Variants in P3H2 observed in about 807,000 individuals in gnomAD.
P3H2 encodes prolyl 3-hydroxylase 2, also known as leprecan-like 1.
In P3H2, 80 loss-of-function variants were observed where a neutral mutation model predicts 87.0. That is an observed-to-expected ratio of 0.92 (90% CI 0.77 to 1.11). P3H2 has a LOEUF of 1.11. P3H2 is among the 50% of genes least tolerant of loss of function. The pLI is 0.00. For missense variants in P3H2, 1,001 were observed against 923.9 expected (o/e 1.08, Z -1.08); for synonymous variants, 367 against 359.3 (o/e 1.02, Z -0.24).
At chr3:190,096,305 A>G (rs1727583689) in intron 1 of P3H2, among the ~76,000 whole-genome samples, 1 of 152,202 alleles carries the variant, frequency 6.6e-6, no homozygotes, top group Non-Finnish European at 1.5e-5. Flanking sequence ...TTGATCACAG[A>G]GGCTGATTCC....
chr3:189,981,035 T>A (rs1187144819), intron 8 of P3H2, among the ~76,000 whole-genome samples: 1 of 152,132 alleles, frequency 6.6e-6, no homozygotes, highest in Non-Finnish European at 1.5e-5. Context: ...GCTGGGAGGG[T>A]GGTTTGCCCA....
At chr3:190,115,427 GA>G (rs560968411) in intron 1 of P3H2, among the ~76,000 whole-genome samples, 1,646 of 112,062 alleles carry the variant, frequency 0.015, 15 homozygotes, top group African/African-American at 0.038. Flanking sequence ...AAAAGTGGGA[GA>G]AAAAAAAAAA....
At chr3:189,971,786 G>A in intron 12 of P3H2, 104 bp downstream of exon 12, 10 of 769,674 alleles carry the variant, frequency 1.3e-5, no homozygotes, top group Non-Finnish European at 1.9e-5. Context: ...TTTCTGCCTT[G>A]GAGATATGAA....
rs749183285 is a variant in P3H2 at position 189,986,788 on chromosome 3, C to T, written c.1188G>A (p.Pro396=). The T allele has an allele frequency of 1.3e-5, 20 of 1,587,632 alleles. No individual in the cohort carries two copies. The highest frequency in any genetic ancestry group is 4.0e-5 in the African/African-American group (3 of 74,396). ...AEGLGFSYTE[P]NYWIRYGGRQ... ...ATAAACGTTTCCTCTTTCCTCTTACCGGTTCAGTGTATGAAAACCCCAGAC... is the reference window on the plus strand; with the variant it reads ...ATAAACGTTTCCTCTTTCCTCTTACTGGTTCAGTGTATGAAAACCCCAGAC... The change falls in exon 6 of 15, where the codon CCG becomes CCA. Residue 396 remains proline, a splice_region_variant and synonymous_variant. Transcript: ENST00000319332.
intron 1 of P3H2, among the ~76,000 whole-genome samples, chr3:190,009,714 CT>C (rs1319917171): frequency 2.0e-5 from 3 of 152,194 alleles, no homozygotes; most frequent in Non-Finnish European, 4.4e-5. Context: ...CATCTCTACT[CT>C]TTCTACCCAG....
At chr3:190,001,806 C>T (rs1724225789) in intron 1 of P3H2, among the ~76,000 whole-genome samples, 2 of 152,000 alleles carry the variant, frequency 1.3e-5, no homozygotes, top group South Asian at 4.1e-4. Flanking sequence ...TCATTACTTG[C>T]TAAAAAGTCT....
rs1314992213 is a variant in P3H2 at position 189,960,360 on chromosome 3, C to T, written c.2035-2356G>A. Among the ~76,000 whole-genome samples the T allele has an allele frequency of 3.3e-5, 5 of 152,210 alleles. No individual in the cohort carries two copies. The East Asian group carries it at 9.6e-4, about 29-fold the overall frequency. ...TTTCCTTCCACTAGAATGTAAGCTCCAGAAGAGCAGGGCATCTTATCTTCT... is the reference window on the plus strand; with the variant it reads ...TTTCCTTCCACTAGAATGTAAGCTCTAGAAGAGCAGGGCATCTTATCTTCT... On this transcript the variant is annotated intron_variant, in intron 14 of 14. Transcript: ENST00000319332.
intron 13 of P3H2, among the ~76,000 whole-genome samples, chr3:189,966,121 GAAAAAGAAAGAAAGAAAGAAAGAA>G (rs1722984600): frequency 7.1e-5 from 5 of 70,742 alleles, no homozygotes; most frequent in Non-Finnish European, 1.1e-4. Flanking sequence ...AAGAAAGAAA[GAAAAAGAAAGAAAGAAAGAAAGAA>G]AGAAAGAAAG....
chr3:190,023,042 G>C (rs1036223041), intron 1 of P3H2, among the ~76,000 whole-genome samples: 3 of 152,130 alleles, frequency 2.0e-5, no homozygotes, highest in East Asian at 1.9e-4. Context: ...TAGCCAGGAT[G>C]GTCTCGATCT....
intron 1 of P3H2, among the ~76,000 whole-genome samples, chr3:190,022,746 C>G (rs1245554326): frequency 6.6e-6 from 1 of 152,052 alleles, no homozygotes; most frequent in African/African-American, 2.4e-5. Context: ...CTCAGAATCA[C>G]CTAGGGGTCA....
upstream of P3H2, among the ~76,000 whole-genome samples, chr3:190,121,829 C>T (rs767940073): frequency 9.9e-5 from 15 of 152,130 alleles, no homozygotes; most frequent in Non-Finnish European, 1.0e-4. Context: ...CAGTGGCTCA[C>T]CCCTGTAATC....
intron 1 of P3H2, among the ~76,000 whole-genome samples, chr3:190,108,193 C>T (rs1185119366): frequency 6.6e-6 from 1 of 151,868 alleles, no homozygotes; most frequent in Non-Finnish European, 1.5e-5. Flanking sequence ...GCTCTGTCAC[C>T]CTGGCTATAG....
intron 1 of P3H2, among the ~76,000 whole-genome samples, chr3:190,080,150 C>T (rs905515966): frequency 6.6e-6 from 1 of 152,158 alleles, no homozygotes; most frequent in African/African-American, 2.4e-5. Context: ...AAGGGCCTGA[C>T]AGATAAAAGG....
intron 1 of P3H2, among the ~76,000 whole-genome samples, chr3:190,010,744 T>C (rs1051266597): frequency 4.6e-5 from 7 of 152,298 alleles, no homozygotes; most frequent in Non-Finnish European, 8.8e-5. Flanking sequence ...CAAACTAATA[T>C]ATGCTGAAAA....
intron 13 of P3H2, among the ~76,000 whole-genome samples, chr3:189,967,324 G>A (rs748107179): frequency 4.0e-5 from 6 of 151,108 alleles, no homozygotes; most frequent in Admixed American, 1.3e-4. Flanking sequence ...AATTAAAATT[G>A]TAGCACTCTG....
In P3H2 at chr3:189,986,789, G is replaced by T. The variant is rs774202013; in HGVS notation, c.1187C>A (p.Pro396Gln). ...TAAACGTTTCCTCTTTCCTCTTACC[G>T]GTTCAGTGTATGAAAACCCCAGACC... ...AEGLGFSYTE[P>Q]NYWIRYGGRQ... is the part of the protein sequence containing the mutation. The change falls in exon 6 of 15, where the codon CCG (proline) becomes CAG (glutamine). Residue 396 changes from proline (P) to glutamine (Q), a missense_variant and splice_region_variant. Pro to Gln is a moderately conservative substitution (Grantham distance 76). Coordinates refer to ENST00000319332, the MANE Select transcript of P3H2 (RefSeq NM_018192.4). The T allele has an allele frequency of 6.3e-7, 1 of 1,589,922 alleles. No homozygotes were observed. Among genetic ancestry groups the T allele is most frequent in the Non-Finnish European group, 8.6e-7 (1 of 1,158,170 alleles).
At chr3:190,084,835 A>G (rs1409874521) in intron 1 of P3H2, among the ~76,000 whole-genome samples, 1 of 152,134 alleles carries the variant, frequency 6.6e-6, no homozygotes, top group East Asian at 1.9e-4. Context: ...GAACAGACTT[A>G]ATACCTCGCT....
At chr3:190,014,459 A>G (rs1724690047) in intron 1 of P3H2, among the ~76,000 whole-genome samples, 1 of 152,236 alleles carries the variant, frequency 6.6e-6, no homozygotes, top group Non-Finnish European at 1.5e-5. Context: ...TGAAAAGGTT[A>G]TCTTCTAGGT....
chr3:189,966,872 G>C (rs1723022314), intron 13 of P3H2, among the ~76,000 whole-genome samples: 1 of 152,152 alleles, frequency 6.6e-6, no homozygotes, highest in Non-Finnish European at 1.5e-5. Flanking sequence ...ATTTAGAAAA[G>C]CGTTTGTGCT....
Sources: allele counts gnomAD v4.1 joint callset (sites outside exome capture counted in the v4.1 genomes callset), GRCh38; gene constraint gnomAD v4.1.1; transcripts MANE v1.5; gene names NCBI Gene and HGNC (gene_info 2026-07-23, HGNC 2026-07-21).